The following STK31 variants were observed in gnomAD, a reference collection of about 807,000 sequenced individuals.
STK31 encodes serine/threonine-protein kinase 31.
In STK31, 89 loss-of-function variants were observed where a neutral mutation model predicts 129.7. The ratio of observed to expected loss-of-function variants is 0.69; its 90% CI spans 0.58 to 0.82. STK31 has a LOEUF of 0.82. STK31 is among the 40% of genes least tolerant of loss of function. STK31 has a pLI of 0.00. For missense variants in STK31, 1,187 were observed against 1,176.4 expected, an observed-to-expected ratio of 1.01 and a Z score of -0.13; for synonymous variants, 448 against 395.3, an observed-to-expected ratio of 1.13 and a Z score of -1.58.
At chr7:23,752,318 C>G (rs948572660) in intron 8 of STK31, among the ~76,000 whole-genome samples, 18 of 150,912 alleles carry the variant, frequency 1.2e-4, no homozygotes, top group Non-Finnish European at 2.4e-4. Flanking sequence ...AAATCAGCAG[C>G]TAGATTCTAT....
intron 21 of STK31, among the ~76,000 whole-genome samples, chr7:23,789,010 C>G (rs571625070): frequency 6.6e-6 from 1 of 152,244 alleles, no homozygotes; most frequent in South Asian, 2.1e-4. Context: ...CTTTCTGTCT[C>G]TATGGATTTG....
intron 15 of STK31, among the ~76,000 whole-genome samples, chr7:23,773,131 G>A (rs764189160): frequency 4.5e-4 from 69 of 152,152 alleles, no homozygotes; most frequent in Non-Finnish European, 2.1e-4. Flanking sequence ...TGCCATGGTG[G>A]TTTGCTGCAC....
chr7:23,758,834 GAC>G (rs1327510647), intron 10 of STK31, among the ~76,000 whole-genome samples: 1 of 152,274 alleles, frequency 6.6e-6, no homozygotes, highest in East Asian at 1.9e-4. Flanking sequence ...CCAATTAAAA[GAC>G]ACAGACTGGC....
Position 23,769,717 on chromosome 7 carries a change from T to C in STK31, c.1674T>C (p.Thr558=). 2.5e-6 allele frequency: 4 copies of C among 1,610,174 alleles called. No homozygotes were observed. Among genetic ancestry groups the C allele is most frequent in the Non-Finnish European group, 3.4e-6 (4 of 1,177,854 alleles). ...MDNIDEILEK[T]ESSVCKELEI... ...ATATTGATGAAATCCTAGAGAAGAC[T>C]GAGTCAAGTGTCTGCAAAGAGCTGG... is the stretch of plus-strand genomic sequence containing the variant. The change falls in exon 13 of 24, where the codon ACT becomes ACC. Residue 558 remains threonine, a synonymous_variant. Coordinates refer to ENST00000355870, the MANE Select transcript of STK31 (RefSeq NM_031414.5).
chr7:23,742,457 C>T (rs1253168820), intron 8 of STK31, among the ~76,000 whole-genome samples: 4 of 152,220 alleles, frequency 2.6e-5, no homozygotes, highest in Non-Finnish European at 5.9e-5. Context: ...CTGCTCCAGA[C>T]TTGGGTGCCT....
chr7:23,822,993 T>C (rs1378530369), intron 23 of STK31, among the ~76,000 whole-genome samples: 1 of 152,256 alleles, frequency 6.6e-6, no homozygotes, highest in Non-Finnish European at 1.5e-5. Context: ...ATCCAGCCTA[T>C]CATTGTTGGA....
chr7:23,827,302 A>G (rs1794221756), intron 23 of STK31, among the ~76,000 whole-genome samples: 1 of 151,904 alleles, frequency 6.6e-6, no homozygotes, highest in Admixed American at 6.6e-5. Context: ...ATTTCTTTTT[A>G]TTCTTTTTTC....
At chr7:23,795,408 C>A (rs1224534980) in intron 22 of STK31, among the ~76,000 whole-genome samples, 2 of 152,194 alleles carry the variant, frequency 1.3e-5, no homozygotes, top group Admixed American at 1.3e-4. Flanking sequence ...ATGGAAATGC[C>A]TGGATGTCCA....
At chr7:23,826,714 C>T (rs1309056586) in intron 23 of STK31, among the ~76,000 whole-genome samples, 3 of 152,160 alleles carry the variant, frequency 2.0e-5, no homozygotes, top group African/African-American at 7.2e-5. Flanking sequence ...TACAATTTGG[C>T]ATGTTTTTGC....
intron 8 of STK31, among the ~76,000 whole-genome samples, chr7:23,738,189 T>C (rs910114408): frequency 1.3e-5 from 2 of 152,196 alleles, no homozygotes; most frequent in African/African-American, 4.8e-5. Context: ...ACGGAAGTGC[T>C]ATACTTACAG....
chr7:23,740,436 T>C (rs1442556352), intron 8 of STK31, among the ~76,000 whole-genome samples: 1 of 152,246 alleles, frequency 6.6e-6, no homozygotes, highest in Non-Finnish European at 1.5e-5. Context: ...TAATGATTTT[T>C]GCAGCCATCG....
At chr7:23,817,231 G>A (rs1003668937) in intron 23 of STK31, among the ~76,000 whole-genome samples, 1 of 152,106 alleles carries the variant, frequency 6.6e-6, no homozygotes, top group Non-Finnish European at 1.5e-5. Flanking sequence ...TAATCTGCAA[G>A]TAATCATGCC....
rs748085254 is a variant in STK31, at chr7:23,785,602, A to T, written c.2273A>T (p.Lys758Met). ...GTTAATGGGCAGATAATTCTGTTAAAGGTAAGTCTAACTTCTTCTTACTTG... is the reference window on the plus strand; with the variant it reads ...GTTAATGGGCAGATAATTCTGTTAATGGTAAGTCTAACTTCTTCTTACTTG... Reference protein sequence around the residue: ...SEVNGQIILLKGYSVDVDTEA... With the variant: ...SEVNGQIILLMGYSVDVDTEA... Residue 758 changes from lysine (K) to methionine (M), a missense_variant and splice_region_variant, in exon 18 of 24, where the codon AAG becomes ATG. Transcript: ENST00000355870. 1 of 1,611,458 alleles carries T rather than the reference A, an allele frequency of 6.2e-7. No individual in the cohort carries two copies. Among genetic ancestry groups the T allele is most frequent in the Non-Finnish European group, 8.5e-7 (1 of 1,178,170 alleles).
rs139601656 is a variant in STK31, at chr7:23,728,438, G to T, written c.325-653G>T. Among the ~76,000 whole-genome samples, 600 of 152,174 alleles carry T rather than the reference G, an allele frequency of 3.9e-3. 5 individuals are homozygous for T. The highest frequency in any genetic ancestry group is 0.013 in the African/African-American group (549 of 41,518). ...TCATTTTTTGCTGTCATAGAAAATGGTTTATTTTAGTGGAATGGAACTTTC... is the reference window on the plus strand; with the variant it reads ...TCATTTTTTGCTGTCATAGAAAATGTTTTATTTTAGTGGAATGGAACTTTC... On this transcript the variant is annotated intron_variant, in intron 5 of 23. Transcript: ENST00000355870.
At chr7:23,774,294 C>T (rs1288903973) in intron 15 of STK31, among the ~76,000 whole-genome samples, 2 of 152,130 alleles carry the variant, frequency 1.3e-5, no homozygotes, top group African/African-American at 2.4e-5. Flanking sequence ...TGGGTATATA[C>T]CCAGTAATGG....
intron 4 of STK31, among the ~76,000 whole-genome samples, chr7:23,718,280 A>G (rs1240232742): frequency 6.6e-6 from 1 of 152,180 alleles, no homozygotes. Flanking sequence ...TTTGACTTTG[A>G]TTCACAAAAA....
chr7:23,749,878 A>G lies in STK31; in HGVS notation c.1018-2839A>G, dbSNP rs141952769. 4.4e-3 allele frequency among the ~76,000 whole-genome samples: 671 copies of G among 151,932 alleles called. 7 individuals are homozygous for G. The highest frequency in any genetic ancestry group is 0.016 in the African/African-American group (651 of 41,404). On this transcript the variant is annotated intron_variant, in intron 8 of 23. Coordinates refer to ENST00000355870, the MANE Select transcript of STK31 (RefSeq NM_031414.5). The stretch of plus-strand genomic sequence containing the variant: ...GGTGGGATAGGATGGCTAGAGTAGG[A>G]TGGAATTGGGTATTTACCTCCTCCC...
intron 10 of STK31, among the ~76,000 whole-genome samples, chr7:23,759,519 G>C (rs1789321038): frequency 6.6e-6 from 1 of 152,146 alleles, no homozygotes; most frequent in African/African-American, 2.4e-5. Context: ...ATGATAGTTT[G>C]TGTAAAACCT....
chr7:23,738,515 C>T (rs1787854799), intron 8 of STK31, among the ~76,000 whole-genome samples: 1 of 152,102 alleles, frequency 6.6e-6, no homozygotes, highest in Admixed American at 6.5e-5. Context: ...AGTCTCCTGC[C>T]TAGCTCGGAC....
Sources: allele counts gnomAD v4.1 joint callset (sites outside exome capture counted in the v4.1 genomes callset), GRCh38; gene constraint gnomAD v4.1.1; transcripts MANE v1.5; gene names NCBI Gene and HGNC (gene_info 2026-07-23, HGNC 2026-07-21).